Variants in TMC1 observed in about 807,000 individuals in gnomAD.
TMC1 encodes the protein transmembrane channel-like protein 1.
A neutral mutation model predicts 105.8 loss-of-function variants in TMC1; 84 were observed. That is an observed-to-expected ratio of 0.79 (90% CI 0.67 to 0.95). The LOEUF (loss-of-function observed/expected upper bound fraction) is 0.95. TMC1 is among the 40% of genes least tolerant of loss of function. The probability of loss-of-function intolerance (pLI) is 0.00; values close to 1 mark genes in which losing one functional copy is unlikely to be tolerated. For synonymous variants in TMC1, 315 were observed against 311.5 expected, an observed-to-expected ratio of 1.01 and a Z score of -0.12; for missense variants, 817 against 914.1, an observed-to-expected ratio of 0.89 and a Z score of 1.37.
intron 5 of TMC1, among the ~76,000 whole-genome samples, chr9:72,684,150 T>G (rs1473274620): frequency 6.6e-6 from 1 of 152,168 alleles, no homozygotes; most frequent in Non-Finnish European, 1.5e-5. Context: ...GTTCATTTCA[T>G]AGCCTACATC....
chr9:72,681,701 C>A (rs543606796), intron 5 of TMC1, among the ~76,000 whole-genome samples: 1 of 151,950 alleles, frequency 6.6e-6, no homozygotes, highest in African/African-American at 2.4e-5. Flanking sequence ...CTCCTTCTTA[C>A]GTATATAAAA....
chr9:72,635,004 C>T (rs926538902), intron 4 of TMC1, among the ~76,000 whole-genome samples: 11 of 152,124 alleles, frequency 7.2e-5, no homozygotes, highest in Non-Finnish European at 1.3e-4. Flanking sequence ...CACCTGTAAT[C>T]CCCGCACATT....
At chr9:72,638,344 CT>C (rs1365438719) in intron 4 of TMC1, among the ~76,000 whole-genome samples, 1 of 152,116 alleles carries the variant, frequency 6.6e-6, no homozygotes, top group Non-Finnish European at 1.5e-5. Context: ...ATTTTTGAAA[CT>C]TCCTTTCCTT....
chr9:72,701,872 T>C (rs1251284768), intron 8 of TMC1, among the ~76,000 whole-genome samples: 2 of 152,206 alleles, frequency 1.3e-5, no homozygotes, highest in African/African-American at 4.8e-5. Context: ...CAGAAAACTT[T>C]TGCAACACCA....
Position 72,598,399 on chromosome 9 carries a change from G to T in TMC1, c.-305-17969G>T, listed in dbSNP as rs1824754459. Among the ~76,000 whole-genome samples, 2 of 152,032 alleles carry T rather than the reference G, an allele frequency of 1.3e-5. 1 individual carries two copies. Among genetic ancestry groups the T allele is most frequent in the South Asian group, 4.2e-4 (2 of 4,818 alleles). On this transcript the variant is annotated intron_variant, in intron 2 of 23. Transcript: ENST00000297784. The stretch of plus-strand genomic sequence containing the variant: ...ATCCTTCTCCTGTTCCTTGACCTTG[G>T]GAGGCAGATTTGATTATGGTCAGCT...
intron 2 of TMC1, among the ~76,000 whole-genome samples, chr9:72,612,499 G>T (rs1444244400): frequency 6.6e-6 from 1 of 150,784 alleles, no homozygotes; most frequent in Admixed American, 6.6e-5. Flanking sequence ...TTTGTAAAAA[G>T]CCAGGCAGTA....
chr9:72,592,924 G>T (rs1442510387), intron 2 of TMC1, among the ~76,000 whole-genome samples: 1 of 152,182 alleles, frequency 6.6e-6, no homozygotes, highest in South Asian at 2.1e-4. Flanking sequence ...GTGTGAACCA[G>T]CAATAGCGCC....
intron 15 of TMC1, 52 bp downstream of exon 15, chr9:72,789,369 T>A: frequency 1.3e-6 from 2 of 1,568,548 alleles, no homozygotes; most frequent in Non-Finnish European, 1.8e-6. Context: ...TTGTTTCTTT[T>A]GTGGGTTATG....
chr9:72,770,267 C>T (rs1262077819), intron 12 of TMC1, among the ~76,000 whole-genome samples: 2 of 149,952 alleles, frequency 1.3e-5, no homozygotes, highest in Non-Finnish European at 3.0e-5. Flanking sequence ...GATATGTATA[C>T]ACACATACAC....
intron 8 of TMC1, among the ~76,000 whole-genome samples, chr9:72,729,738 C>T (rs1827178361): frequency 6.6e-6 from 1 of 152,150 alleles, no homozygotes; most frequent in South Asian, 2.1e-4. Context: ...TCAAGGACAA[C>T]ACTTCTCTAA....
intron 2 of TMC1, among the ~76,000 whole-genome samples, chr9:72,610,931 G>C (rs1008759993): frequency 6.6e-6 from 1 of 152,222 alleles, no homozygotes; most frequent in African/African-American, 2.4e-5. Flanking sequence ...TTCTCATCCA[G>C]AGTGGTGGTA....
intron 10 of TMC1, among the ~76,000 whole-genome samples, chr9:72,749,421 A>G (rs1055756214): frequency 6.6e-6 from 1 of 152,178 alleles, no homozygotes; most frequent in Non-Finnish European, 1.5e-5. Context: ...CTTCAATAAA[A>G]CATGATGAGT....
At chr9:72,758,280 T>G (rs1371740452) in intron 12 of TMC1, among the ~76,000 whole-genome samples, 1 of 152,192 alleles carries the variant, frequency 6.6e-6, no homozygotes, top group African/African-American at 2.4e-5. Context: ...TACAATAAGC[T>G]AATAATTGAG....
chr9:72,666,576 A>C (rs1408521716), intron 5 of TMC1, among the ~76,000 whole-genome samples: 1 of 152,216 alleles, frequency 6.6e-6, no homozygotes, highest in African/African-American at 2.4e-5. Context: ...CAGTATAACT[A>C]TTGTTAATAT....
chr9:72,724,859 A>T (rs980706108), intron 8 of TMC1, among the ~76,000 whole-genome samples: 1 of 152,188 alleles, frequency 6.6e-6, no homozygotes, highest in Non-Finnish European at 1.5e-5. Context: ...TAGACTATCC[A>T]TGATGTTTTT....
At chr9:72,771,826 G>A (rs906643038) in intron 12 of TMC1, among the ~76,000 whole-genome samples, 18 of 152,300 alleles carry the variant, frequency 1.2e-4, no homozygotes, top group Admixed American at 6.5e-4. Context: ...TTTTAGGAAC[G>A]AGAATCTAAT....
chr9:72,623,075 A>AAAC (rs968443626), intron 3 of TMC1, among the ~76,000 whole-genome samples: 2 of 151,128 alleles, frequency 1.3e-5, no homozygotes, highest in Admixed American at 6.6e-5. Context: ...AACAAAAGAA[A>AAAC]AACAACAACA....
At chr9:72,545,159 CACAT>C (rs952745442) in intron 1 of TMC1, among the ~76,000 whole-genome samples, 14 of 150,782 alleles carry the variant, frequency 9.3e-5, no homozygotes, top group African/African-American at 2.7e-4. Context: ...CACACACACA[CACAT>C]ATATACACAC....
intron 12 of TMC1, among the ~76,000 whole-genome samples, chr9:72,758,375 TAAC>T (rs1276800759): frequency 5.3e-5 from 8 of 152,090 alleles, no homozygotes; most frequent in African/African-American, 9.7e-5. Flanking sequence ...AAACTGAAGA[TAAC>T]AACAAGAAAA....
Sources: allele counts gnomAD v4.1 joint callset (sites outside exome capture counted in the v4.1 genomes callset), GRCh38; gene constraint gnomAD v4.1.1; transcripts MANE v1.5; gene names NCBI Gene and HGNC (gene_info 2026-07-23, HGNC 2026-07-21).